Variants in ECHS1 observed in about 807,000 individuals in gnomAD.
ECHS1 encodes the protein enoyl-CoA hydratase, mitochondrial.
In ECHS1, 19 loss-of-function variants were observed where a neutral mutation model predicts 33.5. The ratio of observed to expected loss-of-function variants is 0.57; its 90% confidence interval spans 0.40 to 0.83. ECHS1 has a LOEUF of 0.83. Ranked by LOEUF, ECHS1 falls within the 40% of genes least tolerant of loss-of-function variation. The pLI, the probability that ECHS1 is intolerant of heterozygous loss-of-function variation, is 0.00. For synonymous variants in ECHS1, 158 were observed against 146.6 expected (o/e 1.08, Z -0.56); for missense variants, 365 against 381.3 (o/e 0.96, Z 0.36).
At chr10:133,371,208 T>C (rs1473037113) in intron 1 of ECHS1, among the ~76,000 whole-genome samples, 7 of 150,708 alleles carry the variant, frequency 4.6e-5, no homozygotes, top group African/African-American at 1.2e-4. Context: ...ACCCAGGAGG[T>C]GGAGCTTGCA....
In ECHS1 at chr10:133,371,000, G is replaced by A. The variant is rs990751984; in HGVS notation, c.89-243C>T. ...ATGTCCTAAAGAAAATCCCCGGGCC[G>A]GGCGCGGTGGCTCACGCCTGTAATC... On this transcript the variant is annotated intron_variant, in intron 1 of 7. Coordinates refer to ENST00000368547, the MANE Select transcript of ECHS1 (RefSeq NM_004092.4). Among the ~76,000 whole-genome samples the A allele has an allele frequency of 4.6e-5, 7 of 152,354 alleles. No homozygotes were observed. In the East Asian group the frequency reaches 9.6e-4, roughly 21 times the overall value.
At chr10:133,365,886 A>G (rs2133439612) in intron 6 of ECHS1, 90 bp downstream of exon 6, 6 of 1,501,876 alleles carry the variant, frequency 4.0e-6, no homozygotes, top group Non-Finnish European at 5.5e-6. Flanking sequence ...GGCTTAAGGC[A>G]TATTCATTTG....
At position 133,366,384 on chromosome 10, in the gene ECHS1, C is replaced by T. The variant is rs7895829; in HGVS notation, c.620-289G>A. On this transcript the variant is annotated intron_variant, in intron 5 of 7. Transcript: ENST00000368547. ...ATCACCAACAGGGCAGTGGGAGGAC[C>T]GGCCACTGAGGCCTGGAGATGCCCA... is the stretch of plus-strand genomic sequence containing the variant. Among the ~76,000 whole-genome samples, 1,754 of 152,346 alleles carry T rather than the reference C, an allele frequency of 0.012. 30 individuals carry two copies. Among genetic ancestry groups the T allele is most frequent in the Admixed American group, 0.015 (228 of 15,300 alleles).
intron 7 of ECHS1, among the ~76,000 whole-genome samples, chr10:133,364,261 CT>C (rs1052983966): frequency 3.3e-5 from 5 of 151,736 alleles, no homozygotes; most frequent in Non-Finnish European, 5.9e-5. Context: ...TTAAAAAAGT[CT>C]TTTTTTTGAG....
chr10:133,363,346 TGCGC>T (rs746557515), intron 7 of ECHS1, among the ~76,000 whole-genome samples: 8 of 124,260 alleles, frequency 6.4e-5, no homozygotes, highest in East Asian at 4.7e-4. Context: ...TCCCCAGGTG[TGCGC>T]GCGCGCACAC....
chr10:133,370,489 G>A, intron 2 of ECHS1, 71 bp downstream of exon 2: 1 of 1,410,516 alleles, frequency 7.1e-7, no homozygotes, highest in Non-Finnish European at 9.3e-7. Flanking sequence ...AATCTGTCTG[G>A]AGGCTTCTCC....
chr10:133,363,840 G>T (rs183899919), intron 7 of ECHS1, among the ~76,000 whole-genome samples: 1 of 152,264 alleles, frequency 6.6e-6, no homozygotes, highest in East Asian at 1.9e-4. Flanking sequence ...TAAGTTACTG[G>T]CAGAAATCTT....
In ECHS1 at chr10:133,365,548, C is replaced by A. The variant is rs150759213; in HGVS notation, c.739+428G>T. Among the ~76,000 whole-genome samples, 311 of 152,358 alleles carry A rather than the reference C, an allele frequency of 2.0e-3. 2 individuals carry two copies. The highest frequency in any genetic ancestry group is 6.8e-3 in the Middle Eastern group (2 of 294). The stretch of plus-strand genomic sequence containing the variant: ...GAGGGAGAACTAAAAGGGATCCAGG[C>A]CAAGAACGAACAGCGTGGTGCTGGG... On this transcript the variant is annotated intron_variant, in intron 6 of 7. Transcript: ENST00000368547.
chr10:133,363,352 C>CAT (rs1848989493), intron 7 of ECHS1, among the ~76,000 whole-genome samples: 3 of 17,054 alleles, frequency 1.8e-4, no homozygotes, highest in East Asian at 3.6e-3. Flanking sequence ...GGTGTGCGCG[C>CAT]GCGCACACAC....
At chr10:133,364,528 C>T (rs563927579) in intron 7 of ECHS1, 130 bp downstream of exon 7, 1 of 706,272 alleles carries the variant, frequency 1.4e-6, no homozygotes, top group East Asian at 2.7e-5. Context: ...CAATCTGATC[C>T]CGTTAAAGGT....
rs377573157 is a variant in ECHS1, at chr10:133,365,946, T to G, written c.739+30A>C. The G allele has an allele frequency of 3.6e-5, 58 of 1,611,968 alleles. No homozygotes were observed. In the African/African-American group the frequency reaches 7.3e-4, roughly 20 times the overall value. ...AATGCTCCTGACAGCCACGGAGACC[T>G]CTCCAGTGTCTTCCTGGCAGATCCC... On this transcript the variant is annotated intron_variant, in intron 6 of 7. Coordinates refer to ENST00000368547, the MANE Select transcript of ECHS1 (RefSeq NM_004092.4).
At position 133,370,752 on chromosome 10, in the gene ECHS1, T is replaced by C. The variant is rs1204252549; in HGVS notation, c.94A>G (p.Asn32Asp). ...PAWRPFASGA[N>D]FEYIIAEKRG... ...TTTTCTGCGATGATGTACTCAAAGT[T>C]AGCACCTGGAGCAAGAAGGCAAAAA... The change falls in exon 2 of 8, where the codon AAC (asparagine) becomes GAC (aspartate). Residue 32 changes from asparagine (N) to aspartate (D), a missense_variant. Physicochemically the swap from Asn to Asp is conservative, Grantham distance 23 (BLOSUM62 1). Coordinates refer to ENST00000368547, the MANE Select transcript of ECHS1 (RefSeq NM_004092.4). 2 of 1,609,734 alleles carry C rather than the reference T, an allele frequency of 1.2e-6. No homozygotes were observed. The highest frequency in any genetic ancestry group is 1.7e-6 in the Non-Finnish European group (2 of 1,178,334).
At chr10:133,368,462 G>A (rs1241528508) in intron 4 of ECHS1, among the ~76,000 whole-genome samples, 2 of 152,076 alleles carry the variant, frequency 1.3e-5, no homozygotes, top group Admixed American at 1.3e-4. Flanking sequence ...GAACCCTGGG[G>A]TTAGAGGGTG....
At chr10:133,369,153 C>A in intron 3 of ECHS1, 131 bp from the exon 4 acceptor site, 1 of 734,058 alleles carries the variant, frequency 1.4e-6, no homozygotes, top group Non-Finnish European at 2.3e-6. Flanking sequence ...ATGGTGGCAC[C>A]AAACTAGATA....
intron 6 of ECHS1, among the ~76,000 whole-genome samples, chr10:133,364,997 C>A (rs1849010767): frequency 6.6e-6 from 1 of 152,182 alleles, no homozygotes; most frequent in Non-Finnish European, 1.5e-5. Flanking sequence ...GGTGAGATGG[C>A]AAACTGTGCC....
chr10:133,364,472 G>C (rs1849004421), intron 7 of ECHS1, among the ~76,000 whole-genome samples, 186 bp downstream of exon 7: 1 of 152,154 alleles, frequency 6.6e-6, no homozygotes. Flanking sequence ...TTTTGAACTT[G>C]TACATGCTCT....
Position 133,362,944 on chromosome 10 carries a change from A to C in ECHS1, c.808-11T>G, listed in dbSNP as rs1196733659. On this transcript the variant is annotated splice_polypyrimidine_tract_variant and intron_variant, in intron 7 of 7. Transcript: ENST00000368547. ...TTCTTTCCGGTCATCCTGGCAGGAA[A>C]AGGAACAGAAACAGAGCTGGACGCG... 5.0e-6 allele frequency: 8 copies of C among 1,613,946 alleles called. No homozygotes were observed. The African/African-American group carries it at 9.3e-5, about 19-fold the overall frequency.
intron 5 of ECHS1, 78 bp from the exon 6 acceptor site, chr10:133,366,173 G>A (rs1478879573): frequency 1.2e-5 from 19 of 1,536,746 alleles, no homozygotes; most frequent in African/African-American, 2.7e-5. Context: ...GGCCGCTGGG[G>A]AGCAGCGTGG....
In ECHS1 at chr10:133,370,708, G is replaced by A. The variant is rs765445288; in HGVS notation, c.138C>T (p.Thr46=). The part of the protein sequence containing the change: ...IIAEKRGKNN[T]VGLIQLNRPK... ...GGCGGTTCAGTTGGATCAACCCCACGGTGTTATTCTTCCCTCTTTTTTCTG... is the reference window on the plus strand; with the variant it reads ...GGCGGTTCAGTTGGATCAACCCCACAGTGTTATTCTTCCCTCTTTTTTCTG... Residue 46 remains threonine (T), a synonymous_variant, in exon 2 of 8, where the codon ACC becomes ACT. Transcript: ENST00000368547. 66 of 1,612,832 alleles carry A rather than the reference G, an allele frequency of 4.1e-5. No homozygotes were observed. Among genetic ancestry groups the A allele is most frequent in the East Asian group, 1.1e-4 (5 of 44,868 alleles).
Sources: allele counts gnomAD v4.1 joint callset (sites outside exome capture counted in the v4.1 genomes callset), GRCh38; gene constraint gnomAD v4.1.1; transcripts MANE v1.5; gene names NCBI Gene and HGNC (gene_info 2026-07-23, HGNC 2026-07-21).